The following HEXA variants were observed in gnomAD, a reference collection of about 807,000 sequenced individuals.
HEXA encodes the protein beta-hexosaminidase subunit alpha.
HEXA carries 54 observed loss-of-function variants against 73.3 expected under a neutral mutation model. The ratio of observed to expected loss-of-function variants is 0.74; its 90% CI spans 0.59 to 0.92. The LOEUF (loss-of-function observed/expected upper bound fraction) is 0.92, where lower values mean the gene tolerates loss of function less well. HEXA is among the 40% of genes least tolerant of loss of function. The pLI, the probability that HEXA is intolerant of heterozygous loss-of-function variation, is 0.00. For synonymous variants in HEXA, 230 were observed against 246.9 expected, an observed-to-expected ratio of 0.93 and a Z score of 0.64; for missense variants, 649 against 653.0, an observed-to-expected ratio of 0.99 and a Z score of 0.07.
chr15:72,351,330 AC>A (rs2088693376), intron 5 of HEXA, 96 bp from the exon 6 acceptor site: 3 of 798,362 alleles, frequency 3.8e-6, no homozygotes, highest in East Asian at 2.5e-5. Context: ...CGCTCCACAC[AC>A]CCCTACAGGC....
At chr15:72,364,157 C>G (rs1183156171) in intron 1 of HEXA, among the ~76,000 whole-genome samples, 2 of 152,092 alleles carry the variant, frequency 1.3e-5, no homozygotes. Flanking sequence ...GTAAACCCAG[C>G]TACTTGGGAG....
intron 1 of HEXA, among the ~76,000 whole-genome samples, chr15:72,360,743 T>A (rs899222636): frequency 6.6e-6 from 1 of 152,210 alleles, no homozygotes; most frequent in Non-Finnish European, 1.5e-5. Flanking sequence ...TGGATTCAAA[T>A]CTTGGTTCTA....
intron 6 of HEXA, 181 bp from the exon 7 acceptor site, chr15:72,350,831 C>CT (rs1252957267): frequency 1.5e-6 from 1 of 668,012 alleles, no homozygotes; most frequent in African/African-American, 1.8e-5. Flanking sequence ...TCTGTTTTAT[C>CT]TGAGTATCAT....
intron 1 of HEXA, 131 bp from the exon 2 acceptor site, chr15:72,356,748 T>G: frequency 7.3e-7 from 1 of 1,368,184 alleles, no homozygotes. Context: ...CATTTACCCT[T>G]GGCATAGGCA....
chr15:72,353,907 C>T (rs2088737214), intron 3 of HEXA, 170 bp from the exon 4 acceptor site: 1 of 670,810 alleles, frequency 1.5e-6, no homozygotes, highest in African/African-American at 1.8e-5. Flanking sequence ...ATTAGGAAGC[C>T]ACTATCCATC....
At position 72,350,547 on chromosome 15, in the gene HEXA, G is replaced by T. The variant is rs776660720; in HGVS notation, c.776C>A (p.Thr259Asn). 2.5e-6 allele frequency: 4 copies of T among 1,613,990 alleles called. No individual in the cohort carries two copies. The South Asian group carries it at 4.4e-5, about 18-fold the overall frequency. The change falls in exon 7 of 14, where the codon ACT becomes AAT. Residue 259 changes from threonine (T) to asparagine (N), a missense_variant. By Grantham distance (65) the Thr-to-Asn change is moderately conservative. Transcript: ENST00000268097. ...TCCCCAGGACAAAGTGTGGCCAGGA[G>T]TGTCAAACTCTGCAAGCACACGGAT... Reference protein sequence around the residue: ...RGIRVLAEFDTPGHTLSWGPG... With the variant: ...RGIRVLAEFDNPGHTLSWGPG...
Position 72,344,138 on chromosome 15 carries a change from C to A in HEXA, c.1529G>T (p.Arg510Leu). ...LSHFRCELLR[R>L]GVQAQPLNVG... ...ATTGAGGGGTTGGGCCTGGACACCTCGCCTGCAAGAGGACATGAAGAAATG... is the reference window on the plus strand; with the variant it reads ...ATTGAGGGGTTGGGCCTGGACACCTAGCCTGCAAGAGGACATGAAGAAATG... The change falls in exon 14 of 14, where the codon CGA becomes CTA. Residue 510 changes from arginine (R) to leucine (L), a missense_variant and splice_region_variant. Transcript: ENST00000268097. 6.2e-7 allele frequency: 1 copy of A among 1,613,662 alleles called. No homozygotes were observed. Among genetic ancestry groups the A allele is most frequent in the Non-Finnish European group, 8.5e-7 (1 of 1,179,646 alleles).
intron 1 of HEXA, among the ~76,000 whole-genome samples, chr15:72,364,818 A>ATTTT (rs762688276): frequency 3.8e-5 from 5 of 133,124 alleles, no homozygotes; most frequent in African/African-American, 1.4e-4. Context: ...TTTTAATTTA[A>ATTTT]TTTTTTTTTT....
chr15:72,375,529 C>A (rs1262079787), intron 1 of HEXA, among the ~76,000 whole-genome samples, 191 bp downstream of exon 1: 1 of 152,194 alleles, frequency 6.6e-6, no homozygotes, highest in East Asian at 1.9e-4. Flanking sequence ...ATAAATTAAT[C>A]TCCTGATTGA....
At chr15:72,351,065 G>A (rs538660885) in intron 6 of HEXA, 68 bp downstream of exon 6, 1 of 1,030,188 alleles carries the variant, frequency 9.7e-7, no homozygotes, top group Non-Finnish European at 1.5e-6. Flanking sequence ...CCCTGTTCTT[G>A]CCAGCAGGGC....
chr15:72,351,272 C>G, intron 5 of HEXA, 38 bp from the exon 6 acceptor site: 3 of 1,353,658 alleles, frequency 2.2e-6, no homozygotes, highest in Non-Finnish European at 3.2e-6. Flanking sequence ...CCATCACAGT[C>G]TCTCCGGTTT....
intron 6 of HEXA, 104 bp from the exon 7 acceptor site, chr15:72,350,754 C>G: frequency 1.5e-6 from 2 of 1,312,556 alleles, no homozygotes; most frequent in Non-Finnish European, 2.2e-6. Context: ...GAAAACCTGC[C>G]CATAGCCCTT....
intron 1 of HEXA, chr15:72,356,946 C>T (rs1401075169): frequency 7.0e-6 from 3 of 431,518 alleles, no homozygotes; most frequent in Non-Finnish European, 1.3e-5. Flanking sequence ...GAATGAAAGG[C>T]AGCTCTAGAG....
At position 72,343,921 on chromosome 15, in the gene HEXA, A is replaced by G. The variant is rs527803610; in HGVS notation, c.*156T>C. ...AAAATGCCACATTACTCTTTATTGA[A>G]TGCGAGCGCCAGCACCGGCCCCTTT... On this transcript the variant is annotated 3_prime_UTR_variant, in exon 14 of 14. Transcript: ENST00000268097. The G allele has an allele frequency of 4.6e-6, 3 of 657,882 alleles. No individual in the cohort carries two copies. The highest frequency in any genetic ancestry group is 8.3e-6 in the Non-Finnish European group (3 of 363,272). The allele number at this position is 657,882 out of a possible 1,614,324, so 40.8% of individuals were successfully genotyped here.
chr15:72,368,934 C>A (rs2088951772), intron 1 of HEXA, among the ~76,000 whole-genome samples: 1 of 152,312 alleles, frequency 6.6e-6, no homozygotes, highest in Admixed American at 6.5e-5. Flanking sequence ...TCTCTCTTAC[C>A]CCCTCAATCC....
rs2089061674 is a variant in HEXA at position 72,375,954 on chromosome 15, A to G, written c.19T>C (p.Trp7Arg). 6.2e-7 allele frequency: 1 copy of G among 1,613,924 alleles called. No homozygotes were observed. Among genetic ancestry groups the G allele is most frequent in the Non-Finnish European group, 8.5e-7 (1 of 1,180,008 alleles). ...GCTGCCGCCAGCAGCAGCGAAAACC[A>G]AAGCCTGGAGCTTGTCATGGCCCGC... Reference protein sequence around the residue: MTSSRLWFSLLLAAAFA... With the variant: MTSSRLRFSLLLAAAFA... Residue 7 changes from tryptophan (W) to arginine (R), a missense_variant, in exon 1 of 14, where the codon TGG becomes CGG. Coordinates refer to ENST00000268097, the MANE Select transcript of HEXA (RefSeq NM_000520.6).
In HEXA at chr15:72,348,928, A is replaced by T. The variant is rs1595798845; in HGVS notation, c.986+151T>A. 9 of 707,424 alleles carry T rather than the reference A, an allele frequency of 1.3e-5. No individual in the cohort carries two copies. In the East Asian group the frequency reaches 2.3e-4, roughly 18 times the overall value. 43.8% of individuals were successfully genotyped at this position (707,424 alleles called of 1,614,324 possible). ...CCAAAATCAGGTAGGATCTCTACGT[A>T]GATGGGCAGAGGAAGGCCTAAGACC... On this transcript the variant is annotated intron_variant, in intron 8 of 13. Coordinates refer to ENST00000268097, the MANE Select transcript of HEXA (RefSeq NM_000520.6).
chr15:72,373,125 T>G (rs2089014984), intron 1 of HEXA, among the ~76,000 whole-genome samples: 1 of 152,170 alleles, frequency 6.6e-6, no homozygotes, highest in African/African-American at 2.4e-5. Context: ...AGCAAGATTC[T>G]GTCTCAAAAA....
chr15:72,369,590 T>A (rs1424686082), intron 1 of HEXA, among the ~76,000 whole-genome samples: 1 of 152,114 alleles, frequency 6.6e-6, no homozygotes, highest in Non-Finnish European at 1.5e-5. Flanking sequence ...CAGGCTGGAG[T>A]GCAATGACAC....
Sources: gnomAD v4.1 joint callset for allele counts (sites outside exome capture counted in the v4.1 genomes callset) on GRCh38, gnomAD v4.1.1 for gene constraint, MANE v1.5 for transcripts, NCBI Gene and HGNC (gene_info 2026-07-23, HGNC 2026-07-21) for gene names.